AMY2B: variants seen among roughly 807,000 people sequenced by gnomAD.
The protein encoded by AMY2B is amylase alpha 2B, also known as alpha-amylase 2B.
AMY2B carries 63 observed loss-of-function variants against 59.3 expected under a neutral mutation model. The observed-to-expected ratio is 1.06, with a 90% confidence interval of 0.87 to 1.31. The LOEUF (loss-of-function observed/expected upper bound fraction) is 1.31, where lower values mean the gene tolerates loss of function less well. Ranked by LOEUF, AMY2B falls within the 50% of genes most tolerant of loss-of-function variation. AMY2B has a pLI of 0.00. For missense variants in AMY2B, 635 were observed against 626.7 expected (o/e 1.01, Z -0.14); for synonymous variants, 180 against 198.1 (o/e 0.91, Z 0.77).
At chr1:103,577,342 G>C in intron 7 of AMY2B, 148 bp from the exon 8 acceptor site, 1 of 1,425,168 alleles carries the variant, frequency 7.0e-7, no homozygotes, top group South Asian at 1.3e-5. Context: ...CCAGTAAAGG[G>C]CTATAAAAAT....
rs1570649562 is a variant in AMY2B at position 103,575,717 on chromosome 1, A to G, written c.1101+177A>G. The G allele has an allele frequency of 6.1e-6, 6 of 987,752 alleles. No individual in the cohort carries two copies. In the South Asian group the frequency reaches 1.1e-4, roughly 19 times the overall value. The allele number at this position is 987,752 out of a possible 1,614,324, so 61.2% of individuals were successfully genotyped here. On this transcript the variant is annotated intron_variant, in intron 7 of 9. Transcript: ENST00000684275. ...TAAAGGAGTAAAATATATATTTTCC[A>G]TTGACAAAGAGTATGCAAGCCTTTT... is the stretch of plus-strand genomic sequence containing the variant.
At chr1:103,556,898 C>T (rs551243685) in intron 1 of AMY2B, among the ~76,000 whole-genome samples, 2 of 152,182 alleles carry the variant, frequency 1.3e-5, no homozygotes, top group Non-Finnish European at 2.9e-5. Context: ...CTGTAAGATA[C>T]TTTATTACAT....
upstream of AMY2B, chr1:103,571,536 T>G: frequency 6.3e-7 from 1 of 1,585,284 alleles, no homozygotes; most frequent in Non-Finnish European, 8.6e-7. Flanking sequence ...ATATTTACTT[T>G]GTAAAATGTG....
intron 1 of AMY2B, among the ~76,000 whole-genome samples, chr1:103,562,328 G>C (rs1651758750): frequency 6.6e-6 from 1 of 152,156 alleles, no homozygotes; most frequent in African/African-American, 2.4e-5. Flanking sequence ...AGGCAAACTT[G>C]ATTATCTGTG....
At chr1:103,576,579 G>T (rs1193827989) in intron 7 of AMY2B, among the ~76,000 whole-genome samples, 3 of 151,956 alleles carry the variant, frequency 2.0e-5, no homozygotes, top group African/African-American at 7.2e-5. Context: ...GGTTACTCTG[G>T]TTTTTTTAAT....
chr1:103,571,076 C>A (rs934998831), upstream of AMY2B: 2 of 746,424 alleles, frequency 2.7e-6, no homozygotes, highest in Non-Finnish European at 1.7e-6. Context: ...GGTAAGGGCT[C>A]CTTAACCAGT....
At chr1:103,555,649 C>A (rs1044099544) in intron 1 of AMY2B, among the ~76,000 whole-genome samples, 1 of 152,072 alleles carries the variant, frequency 6.6e-6, no homozygotes, top group African/African-American at 2.4e-5. Flanking sequence ...GGAAAACATT[C>A]TTTTTTGTCA....
chr1:103,571,555 A>G (rs996642762), upstream of AMY2B: 2 of 1,595,516 alleles, frequency 1.3e-6, no homozygotes, highest in African/African-American at 2.7e-5. Context: ...TGCTTCTTAC[A>G]GGAATATAAA....
intron 1 of AMY2B, among the ~76,000 whole-genome samples, chr1:103,555,716 GA>G (rs1651526193): frequency 6.6e-6 from 1 of 152,244 alleles, no homozygotes; most frequent in East Asian, 1.9e-4. Flanking sequence ...AGAGAATTTT[GA>G]AGAAGAATTT....
At chr1:103,567,271 A>G (rs1313394851), upstream of AMY2B, among the ~76,000 whole-genome samples, 2 of 152,110 alleles carry the variant, frequency 1.3e-5, no homozygotes, top group African/African-American at 4.8e-5. Context: ...TGAAGGTATG[A>G]TATTTCATAT....
At chr1:103,557,835 G>T (rs1457830157) in intron 1 of AMY2B, among the ~76,000 whole-genome samples, 1 of 152,024 alleles carries the variant, frequency 6.6e-6, no homozygotes, top group African/African-American at 2.4e-5. Flanking sequence ...TTATTTATGG[G>T]AACATTAGAT....
At chr1:103,578,328 T>A (rs1652444028) in intron 9 of AMY2B, among the ~76,000 whole-genome samples, 1 of 152,324 alleles carries the variant, frequency 6.6e-6, no homozygotes, top group Middle Eastern at 3.4e-3. Flanking sequence ...TGACAAATAA[T>A]ATTTTTAAAG....
At chr1:103,571,311 C>G (rs1164418429), upstream of AMY2B, 2 of 858,412 alleles carry the variant, frequency 2.3e-6, no homozygotes, top group Non-Finnish European at 3.3e-6. Flanking sequence ...TTTTGGTTTT[C>G]TACTGTTACG....
intron 7 of AMY2B, among the ~76,000 whole-genome samples, chr1:103,576,543 A>G (rs1390305053): frequency 2.6e-5 from 4 of 152,164 alleles, no homozygotes; most frequent in Non-Finnish European, 5.9e-5. Context: ...ACATAATTCT[A>G]AGGTCAACAC....
At chr1:103,567,791 A>G (rs564386122), upstream of AMY2B, among the ~76,000 whole-genome samples, 3 of 152,190 alleles carry the variant, frequency 2.0e-5, no homozygotes, top group East Asian at 5.8e-4. Flanking sequence ...ATCTCATTTT[A>G]TCCCACCCTT....
chr1:103,579,499 A>G lies in AMY2B; in HGVS notation c.1535A>G (p.Ter512=). 6.2e-7 allele frequency: 1 copy of G among 1,608,726 alleles called. No individual in the cohort carries two copies. The highest frequency in any genetic ancestry group is 8.5e-7 in the Non-Finnish European group (1 of 1,178,846). Residue 512 remains the stop codon, a stop_retained_variant, in exon 10 of 10, where the codon TAA becomes TGA. Transcript: ENST00000684275. ...FIAIHAESKL[*] is the part of the protein sequence containing the mutation. ...GCAATTCATGCTGAATCTAAATTAT[A>G]AAATTTAAAATTAAATGCATATCCT... is the stretch of plus-strand genomic sequence containing the variant.
chr1:103,557,859 A>C (rs1651610178), intron 1 of AMY2B, among the ~76,000 whole-genome samples: 2 of 152,296 alleles, frequency 1.3e-5, no homozygotes, highest in South Asian at 4.1e-4. Flanking sequence ...GTAAGTCATA[A>C]AAACATGCAT....
intron 1 of AMY2B, among the ~76,000 whole-genome samples, chr1:103,555,677 T>G (rs905578571): frequency 6.6e-6 from 1 of 152,118 alleles, no homozygotes; most frequent in African/African-American, 2.4e-5. Flanking sequence ...GTTGACAAAC[T>G]TGGTGGATGT....
At chr1:103,557,305 A>C (rs1651588200) in intron 1 of AMY2B, among the ~76,000 whole-genome samples, 1 of 152,172 alleles carries the variant, frequency 6.6e-6, no homozygotes, top group Non-Finnish European at 1.5e-5. Flanking sequence ...ATCTGTGACT[A>C]ATATATAAAG....
Sources: gnomAD v4.1 joint callset for allele counts (sites outside exome capture counted in the v4.1 genomes callset) on GRCh38, gnomAD v4.1.1 for gene constraint, MANE v1.5 for transcripts, NCBI Gene and HGNC (gene_info 2026-07-23, HGNC 2026-07-21) for gene names.